Variants in RFX2 observed in about 807,000 individuals in gnomAD.
The protein encoded by RFX2 is DNA-binding protein RFX2.
Under a neutral mutation model 87.8 loss-of-function variants are expected in RFX2, and 20 were observed. The ratio of observed to expected loss-of-function variants is 0.23; its 90% CI spans 0.16 to 0.33. RFX2 has a LOEUF of 0.33. Among genes scored for constraint, RFX2 ranks in the 10% least tolerant of loss-of-function variants. The pLI is 1.00. For synonymous variants in RFX2, 397 were observed against 431.3 expected (o/e 0.92, Z 0.98); for missense variants, 767 against 1,012.3 (o/e 0.76, Z 3.29).
Position 6,016,287 on chromosome 19 carries a change from C to A in RFX2, c.598-16G>T. Reference sequence around the variant, plus strand: ...GCCACTGGAGCTGTAAAAAGAAAGACACGTCTGCGTTTGTCAGAAGCCTGA... The same window carrying A: ...GCCACTGGAGCTGTAAAAAGAAAGAAACGTCTGCGTTTGTCAGAAGCCTGA... On this transcript the variant is annotated splice_polypyrimidine_tract_variant and intron_variant, in intron 6 of 17. Coordinates refer to ENST00000303657, the MANE Select transcript of RFX2 (RefSeq NM_000635.4). The surrounding 1 kb of genome is among the most constrained non-coding windows in gnomAD (Gnocchi z 5.4). The A allele has an allele frequency of 6.3e-7, 1 of 1,582,682 alleles. No homozygotes were observed. The highest frequency in any genetic ancestry group is 1.1e-5 in the South Asian group (1 of 87,732).
chr19:6,007,929 G>C lies in RFX2; in HGVS notation c.1135-127C>G, dbSNP rs956336194. The C allele has an allele frequency of 3.8e-6, 3 of 792,366 alleles. No individual in the cohort carries two copies. Among genetic ancestry groups the C allele is most frequent in the Non-Finnish European group, 6.4e-6 (3 of 465,520 alleles). The allele number at this position is 792,366 out of a possible 1,614,324, so 49.1% of individuals were successfully genotyped here. ...CCCTGGAATCCCAAGGGAGGCCACA[G>C]AGAGGAGAGGAGCAGGCGATGGACA... On this transcript the variant is annotated intron_variant, in intron 10 of 17. Coordinates refer to ENST00000303657, the MANE Select transcript of RFX2 (RefSeq NM_000635.4). The surrounding 1 kb of genome is among the most constrained non-coding windows in gnomAD (Gnocchi z 8.2).
intron 1 of RFX2, among the ~76,000 whole-genome samples, chr19:6,102,528 C>T (rs990444299): frequency 8.5e-5 from 13 of 152,222 alleles, no homozygotes; most frequent in Admixed American, 7.2e-4. Flanking sequence ...GTTTATACTT[C>T]GAATAGCATC....
At chr19:6,107,221 C>T (rs968548520) in intron 1 of RFX2, among the ~76,000 whole-genome samples, 2 of 151,532 alleles carry the variant, frequency 1.3e-5, no homozygotes, top group African/African-American at 4.9e-5. Context: ...GTGTAAACCT[C>T]GGGGGTGGAG....
intron 16 of RFX2, 108 bp downstream of exon 16, chr19:5,996,952 A>C: frequency 8.4e-7 from 1 of 1,191,026 alleles, no homozygotes; most frequent in Non-Finnish European, 1.2e-6. Context: ...TCCGGGCGGC[A>C]GAGCAGTGGG....
intron 1 of RFX2, chr19:6,073,066 G>T: frequency 2.2e-6 from 1 of 457,640 alleles, no homozygotes; most frequent in Non-Finnish European, 4.0e-6. Flanking sequence ...TGCAACCTCC[G>T]CCTTCCGGGT....
At chr19:6,082,257 G>A (rs542276661) in intron 1 of RFX2, among the ~76,000 whole-genome samples, 8 of 144,602 alleles carry the variant, frequency 5.5e-5, no homozygotes, top group African/African-American at 1.6e-4. Context: ...TCGTTCCATT[G>A]CATTCCAGCC....
intron 1 of RFX2, among the ~76,000 whole-genome samples, chr19:6,055,075 A>G (rs776574114): frequency 6.6e-6 from 1 of 152,246 alleles, no homozygotes; most frequent in Non-Finnish European, 1.5e-5. Flanking sequence ...AGCAAGATAT[A>G]CAGATGCCCA....
At chr19:6,096,977 T>G (rs1026685423) in intron 1 of RFX2, among the ~76,000 whole-genome samples, 2 of 152,056 alleles carry the variant, frequency 1.3e-5, no homozygotes, top group African/African-American at 4.8e-5. Flanking sequence ...AAATCGGAAG[T>G]TTACTTTAAC....
intron 17 of RFX2, 74 bp from the exon 18 acceptor site, chr19:5,995,024 G>A (rs2086386598): frequency 3.3e-6 from 4 of 1,205,810 alleles, no homozygotes; most frequent in South Asian, 2.5e-5. Context: ...TGCACGTTCC[G>A]AGAACTGCTC....
chr19:6,086,689 C>T (rs2087860344), intron 1 of RFX2, among the ~76,000 whole-genome samples: 1 of 152,256 alleles, frequency 6.6e-6, no homozygotes, highest in Non-Finnish European at 1.5e-5. Flanking sequence ...AATTAGATGA[C>T]TTCTGTGTCT....
intron 1 of RFX2, among the ~76,000 whole-genome samples, chr19:6,086,440 T>C (rs1235051024): frequency 6.6e-6 from 1 of 152,212 alleles, no homozygotes; most frequent in Non-Finnish European, 1.5e-5. Flanking sequence ...TGCAGGCAAT[T>C]GTAACACAGT....
At chr19:6,079,681 A>G (rs1171093465) in intron 1 of RFX2, among the ~76,000 whole-genome samples, 1 of 152,046 alleles carries the variant, frequency 6.6e-6, no homozygotes, top group Non-Finnish European at 1.5e-5. Context: ...AGGTCAGGAG[A>G]TCGAGACCAT....
chr19:6,096,828 A>G (rs1050389239), intron 1 of RFX2, among the ~76,000 whole-genome samples: 11 of 152,204 alleles, frequency 7.2e-5, no homozygotes, highest in Non-Finnish European at 1.2e-4. Flanking sequence ...GTATTCCATG[A>G]TGTTCCACCA....
At position 6,103,273 on chromosome 19, in the gene RFX2, T is replaced by C. The variant is rs189595987; in HGVS notation, c.-9+7120A>G. Among the ~76,000 whole-genome samples, 95 of 152,328 alleles carry C rather than the reference T, an allele frequency of 6.2e-4. 1 individual carries two copies. The highest frequency in any genetic ancestry group is 5.9e-3 in the Admixed American group (91 of 15,296). On this transcript the variant is annotated intron_variant, in intron 1 of 17. Coordinates refer to ENST00000303657, the MANE Select transcript of RFX2 (RefSeq NM_000635.4). ...CATCTACAGGCAGTGGCAAGTCAAC[T>C]GTACTTTTTAGAAAGTCATGGAATT...
intron 16 of RFX2, among the ~76,000 whole-genome samples, chr19:5,996,332 G>C (rs867275117): frequency 4.4e-4 from 18 of 40,748 alleles, no homozygotes; most frequent in African/African-American, 2.1e-3. Context: ...AGCACGGAGG[G>C]ACGAGCGGTC....
chr19:6,053,571 G>A (rs1263325576), intron 1 of RFX2, among the ~76,000 whole-genome samples: 1 of 152,202 alleles, frequency 6.6e-6, no homozygotes, highest in Non-Finnish European at 1.5e-5. Flanking sequence ...GATAATGAGG[G>A]AAGCTGTGCA....
rs768570442 is a variant in RFX2 at position 6,001,771 on chromosome 19, C to T, written c.1859+44G>A. The T allele has an allele frequency of 3.3e-6, 5 of 1,516,420 alleles. No individual in the cohort carries two copies. The highest frequency in any genetic ancestry group is 1.8e-4 in the Middle Eastern group (1 of 5,490). 93.9% of individuals were successfully genotyped at this position (1,516,420 alleles called of 1,614,324 possible). A position where few individuals can be genotyped will look rare whatever the true frequency, so the allele number is the denominator to read the frequency against. ...TACCCTCTAGAAGTTTCTCTCAGAG[C>T]CCCCCACCCGCCAGAATTCTCTCGG... On this transcript the variant is annotated intron_variant, in intron 15 of 17. Coordinates refer to ENST00000303657, the MANE Select transcript of RFX2 (RefSeq NM_000635.4). This position sits in a 1 kb window ranked among gnomAD's most constrained non-coding sequence, Gnocchi z 5.6.
intron 1 of RFX2, among the ~76,000 whole-genome samples, chr19:6,090,370 C>CAA (rs1169384189): frequency 3.0e-4 from 17 of 56,488 alleles, no homozygotes; most frequent in Admixed American, 8.0e-4. Context: ...GACTCTGTCT[C>CAA]AAAAAAAAAA....
At position 6,004,431 on chromosome 19, in the gene RFX2, G is replaced by C; in HGVS notation, c.1403-133C>G. On this transcript the variant is annotated intron_variant, in intron 12 of 17. Transcript: ENST00000303657. This position sits in a 1 kb window ranked among gnomAD's most constrained non-coding sequence, Gnocchi z 4.8. ...TGAAGAACGAGCCACACAGGCGACG[G>C]GGAACCGAGGACACTTAGAAACGGG... is the stretch of plus-strand genomic sequence containing the variant. 2.8e-6 allele frequency: 2 copies of C among 719,176 alleles called. No homozygotes were observed. The highest frequency in any genetic ancestry group is 3.1e-5 in the South Asian group (2 of 64,918). 44.5% of individuals were successfully genotyped at this position (719,176 alleles called of 1,614,324 possible).
Sources: allele counts gnomAD v4.1 joint callset (sites outside exome capture counted in the v4.1 genomes callset), GRCh38; gene constraint gnomAD v4.1.1; non-coding constraint Gnocchi (gnomAD v3.1); transcripts MANE v1.5; gene names NCBI Gene and HGNC (gene_info 2026-07-23, HGNC 2026-07-21).